SAMD5: variants seen among roughly 807,000 people sequenced by gnomAD.
The protein encoded by SAMD5 is sterile alpha motif domain containing 5, also known as sterile alpha motif domain-containing protein 5.
SAMD5 carries 13 observed loss-of-function variants against 11.3 expected under a neutral mutation model. That is an observed-to-expected ratio of 1.15 (90% confidence interval 0.75 to 1.83). SAMD5 has a LOEUF of 1.83. Among genes scored for constraint, SAMD5 ranks in the 40% most tolerant of loss-of-function variants. The probability of loss-of-function intolerance (pLI) is 0.00; values close to 1 mark genes in which losing one functional copy is unlikely to be tolerated. For synonymous variants in SAMD5, 129 were observed against 111.3 expected (o/e 1.16, Z -1.00); for missense variants, 255 against 239.1 (o/e 1.07, Z -0.44).
chr6:147,551,521 T>C (rs980165006), intron 1 of SAMD5, among the ~76,000 whole-genome samples: 1 of 152,060 alleles, frequency 6.6e-6, no homozygotes. Flanking sequence ...GCCTTTTTTT[T>C]TCTACCCCCA....
chr6:147,816,335 A>ATT, the SAMD5 span, among the ~76,000 whole-genome samples: 5 of 127,550 alleles, frequency 3.9e-5, no homozygotes, highest in African/African-American at 1.6e-4. Flanking sequence ...TATACAGCAA[A>ATT]TTGTATACTT....
At position 147,711,668 on chromosome 6, in the gene SAMD5, G is replaced by T. The variant is rs1296853664; in HGVS notation, c.163-25649G>T. Among the ~76,000 whole-genome samples the T allele has an allele frequency of 6.6e-6, 1 of 152,180 alleles. No individual in the cohort carries two copies. The highest frequency in any genetic ancestry group is 2.1e-4 in the South Asian group (1 of 4,834). On this transcript the variant is annotated intron_variant, in intron 1 of 1. Coordinates refer to the SAMD5 transcript ENST00000566741. This position sits in a 1 kb window ranked among gnomAD's most constrained non-coding sequence, Gnocchi z 4.1. ...AAAATAGTGGTTTGCATTCTTCAAA[G>T]GGGTCATTGCTGAATTTGTAATCAG...
chr6:147,809,862 G>A, the SAMD5 span, among the ~76,000 whole-genome samples: 4 of 152,290 alleles, frequency 2.6e-5, no homozygotes, highest in East Asian at 1.9e-4. Context: ...AGCTAAAAAC[G>A]TCTCCAGACA....
chr6:147,575,495 AT>A (rs1334164578), intron 1 of SAMD5, among the ~76,000 whole-genome samples: 1 of 152,270 alleles, frequency 6.6e-6, no homozygotes, highest in African/African-American at 2.4e-5. Flanking sequence ...AACTGTATCA[AT>A]AGCTGCCAGT....
chr6:147,615,831 C>T (rs1243258134), intron 1 of SAMD5, among the ~76,000 whole-genome samples: 1 of 152,158 alleles, frequency 6.6e-6, no homozygotes, highest in Admixed American at 6.5e-5. Flanking sequence ...AAATAAATTA[C>T]ATTAACCACA....
intron 1 of SAMD5, among the ~76,000 whole-genome samples, chr6:147,579,646 C>T (rs190770419): frequency 5.3e-5 from 8 of 151,914 alleles, no homozygotes; most frequent in African/African-American, 1.2e-4. Flanking sequence ...ATAGTAGAGA[C>T]GGGTTCCACC....
chr6:147,512,516 G>A (rs144002041), intron 1 of SAMD5, among the ~76,000 whole-genome samples: 3 of 152,124 alleles, frequency 2.0e-5, no homozygotes, highest in Non-Finnish European at 4.4e-5. Flanking sequence ...AAAGTTATGC[G>A]GTTTAGGGAT....
intron 1 of SAMD5, among the ~76,000 whole-genome samples, chr6:147,659,233 G>C (rs1050641758): frequency 1.7e-4 from 25 of 149,756 alleles, no homozygotes; most frequent in African/African-American, 5.3e-4. Context: ...AGTAAAATTG[G>C]GAAACAGGGC....
chr6:147,632,350 A>C (rs1486347377), intron 1 of SAMD5, among the ~76,000 whole-genome samples: 5 of 152,238 alleles, frequency 3.3e-5, no homozygotes, highest in African/African-American at 1.2e-4. Flanking sequence ...TGGAAGGCAT[A>C]TTTAGAGTCA....
the SAMD5 span, among the ~76,000 whole-genome samples, chr6:147,914,521 G>A: frequency 6.6e-6 from 1 of 152,148 alleles, no homozygotes; most frequent in African/African-American, 2.4e-5. Flanking sequence ...AGAAAAGGGA[G>A]GGTCATTGCT....
chr6:147,903,187 T>C, the SAMD5 span, among the ~76,000 whole-genome samples: 1 of 152,206 alleles, frequency 6.6e-6, no homozygotes, highest in African/African-American at 2.4e-5. Context: ...CATTGCTAAT[T>C]TAATTAATCA....
downstream of SAMD5, among the ~76,000 whole-genome samples, chr6:147,738,657 A>G (rs1244269000): frequency 6.6e-6 from 1 of 152,174 alleles, no homozygotes; most frequent in Non-Finnish European, 1.5e-5. Flanking sequence ...AAATGCATCC[A>G]GATGTCTATC....
At chr6:147,797,437 A>T in the SAMD5 span, among the ~76,000 whole-genome samples, 2 of 96,402 alleles carry the variant, frequency 2.1e-5, 1 homozygote, top group African/African-American at 1.5e-4. Context: ...CATGGTGGAT[A>T]AGCTTTTTGA....
At chr6:147,531,716 A>G (rs1162643792) in intron 1 of SAMD5, among the ~76,000 whole-genome samples, 3 of 152,226 alleles carry the variant, frequency 2.0e-5, no homozygotes, top group African/African-American at 7.2e-5. Context: ...GTGAGGATCA[A>G]TTGGATATAT....
At position 147,624,641 on chromosome 6, in the gene SAMD5, G is replaced by A. The variant is rs932575226; in HGVS notation, c.163-112676G>A. ...TCTTTATCCACTCGTTGATTGATGG[G>A]CATTTGGGCTGGTTCCACATTTTTG... On this transcript the variant is annotated intron_variant, in intron 1 of 1. Coordinates refer to the SAMD5 transcript ENST00000566741. Among the ~76,000 whole-genome samples, 4 of 152,190 alleles carry A rather than the reference G, an allele frequency of 2.6e-5. No individual in the cohort carries two copies. The East Asian group carries it at 7.7e-4, about 29-fold the overall frequency.
the SAMD5 span, among the ~76,000 whole-genome samples, chr6:147,837,186 G>T: frequency 1.3e-5 from 2 of 152,050 alleles, no homozygotes; most frequent in Admixed American, 1.3e-4. Context: ...GGTTGTTGGT[G>T]GTCCACTCAG....
At chr6:147,788,964 G>A in the SAMD5 span, among the ~76,000 whole-genome samples, 1,449 of 151,936 alleles carry the variant, frequency 9.5e-3, 17 homozygotes, top group African/African-American at 0.032. Flanking sequence ...GGTGCCTGTA[G>A]TCCCAGCTAC....
chr6:147,852,786 A>G, the SAMD5 span, among the ~76,000 whole-genome samples: 1 of 152,098 alleles, frequency 6.6e-6, no homozygotes. Context: ...GCAAAGAACT[A>G]CCCTTTTCTT....
chr6:147,645,332 C>G (rs7756851), intron 1 of SAMD5, among the ~76,000 whole-genome samples: 1 of 151,898 alleles, frequency 6.6e-6, no homozygotes, highest in South Asian at 2.1e-4. Context: ...ATCAGCATCA[C>G]CCATGGAAGC....
Sources: gnomAD v4.1 joint callset for allele counts (sites outside exome capture counted in the v4.1 genomes callset) on GRCh38, gnomAD v4.1.1 for gene constraint, Gnocchi (gnomAD v3.1) non-coding constraint, MANE v1.5 for transcripts, NCBI Gene and HGNC (gene_info 2026-07-23, HGNC 2026-07-21) for gene names.